ZNF264: variants seen among roughly 807,000 people sequenced by gnomAD.
The protein encoded by ZNF264 is zinc finger protein 264.
Under a neutral mutation model 11.2 loss-of-function variants are expected in ZNF264, and 11 were observed. The observed-to-expected ratio is 0.98, with a 90% CI of 0.62 to 1.63. The LOEUF is 1.63. Among genes scored for constraint, ZNF264 ranks in the 40% most tolerant of loss-of-function variants. The pLI is 0.00. For synonymous variants in ZNF264, 309 were observed against 279.8 expected (o/e 1.10, Z -1.04); for missense variants, 752 against 768.1 (o/e 0.98, Z 0.25).
rs943619392 is a variant in ZNF264, at chr19:57,214,178, C to T, written c.*1197C>T. On this transcript the variant is annotated 3_prime_UTR_variant, in exon 4 of 4. Coordinates refer to ENST00000263095, the MANE Select transcript of ZNF264 (RefSeq NM_003417.5). Reference sequence around the variant, plus strand: ...AGAAATGTCATCTGCAAATACAGACCATTTTTTATCTTTCATCTTACCTGT... The same window carrying T: ...AGAAATGTCATCTGCAAATACAGACTATTTTTTATCTTTCATCTTACCTGT... 1.3e-5 allele frequency: 2 copies of T among 152,104 alleles called. No individual in the cohort carries two copies. Among genetic ancestry groups the T allele is most frequent in the Admixed American group, 1.3e-4 (2 of 15,276 alleles). 9.4% of individuals were successfully genotyped at this position (152,104 alleles called of 1,614,324 possible).
chr19:57,192,009 G>A, intron 1 of ZNF264, 63 bp downstream of exon 1: 1 of 1,423,242 alleles, frequency 7.0e-7, no homozygotes, highest in Non-Finnish European at 9.3e-7. Flanking sequence ...TTTCCGAAGT[G>A]GGTGGGAGCC....
At position 57,205,262 on chromosome 19, in the gene ZNF264, C is replaced by G. The variant is rs1053537091; in HGVS notation, c.161-135C>G. The G allele has an allele frequency of 4.0e-6, 3 of 759,150 alleles. No individual in the cohort carries two copies. The African/African-American group carries it at 5.3e-5, about 13-fold the overall frequency. The allele number at this position is 759,150 out of a possible 1,614,324, so 47.0% of individuals were successfully genotyped here. ...GAAACCTTGGTTTCCAGGTCACATG[C>G]CAGCTTTTCATTCCCATGCACAGGA... On this transcript the variant is annotated intron_variant, in intron 2 of 3. Coordinates refer to ENST00000263095, the MANE Select transcript of ZNF264 (RefSeq NM_003417.5).
In ZNF264 at chr19:57,193,948, G is replaced by A. The variant is rs780084860; in HGVS notation, c.107G>A (p.Arg36Gln). 68 of 1,613,800 alleles carry A rather than the reference G, an allele frequency of 4.2e-5. 1 individual carries two copies. Among genetic ancestry groups the A allele is most frequent in the African/African-American group, 5.3e-5 (4 of 74,900 alleles). ...EEWGQLDLAQRTLYQEVMLEN... is the reference protein window; with the variant it reads ...EEWGQLDLAQQTLYQEVMLEN... ...TGGGGGCAGCTGGACCTAGCTCAGC[G>A]GACCCTGTACCAGGAGGTGATGCTG... Residue 36 changes from arginine (R) to glutamine (Q), a missense_variant, in exon 2 of 4, where the codon CGG (arginine) becomes CAG (glutamine). By Grantham distance (43) the Arg-to-Gln change is conservative. Transcript: ENST00000263095.
At chr19:57,192,643 G>C (rs1054479312) in intron 1 of ZNF264, 7 of 898,584 alleles carry the variant, frequency 7.8e-6, no homozygotes, top group Non-Finnish European at 8.0e-6. Context: ...AGCTGGTCTG[G>C]AGCCTGTCGT....
In ZNF264 at chr19:57,208,018, G is replaced by A. The variant is rs566318095; in HGVS notation, c.256+2526G>A. ...TGGGATTACAGGTGTGAGCCACTGC[G>A]CCTGGCCATATTTTTAGTAGAGACA... On this transcript the variant is annotated intron_variant, in intron 3 of 3. Transcript: ENST00000263095. Among the ~76,000 whole-genome samples the A allele has an allele frequency of 1.2e-4, 18 of 151,916 alleles. No homozygotes were observed. In the East Asian group the frequency reaches 1.4e-3, roughly 12 times the overall value.
At chr19:57,198,725 G>A (rs2087230285) in intron 2 of ZNF264, among the ~76,000 whole-genome samples, 1 of 151,860 alleles carries the variant, frequency 6.6e-6, no homozygotes, top group Non-Finnish European at 1.5e-5. Context: ...CCAGTGTCCT[G>A]TAGTCCCCGA....
In ZNF264 at chr19:57,212,266, A is replaced by G. The variant is rs2087344061; in HGVS notation, c.1169A>G (p.Tyr390Cys). ...GAGAGTGCAGCCCTGATTCACCACT[A>G]TGTCATCCACACTGGAGAGAAGCCC... Reference protein sequence around the residue: ...FLESAALIHHYVIHTGEKPFE... With the variant: ...FLESAALIHHCVIHTGEKPFE... Residue 390 changes from tyrosine to cysteine, a missense_variant, in exon 4 of 4, where the codon TAT becomes TGT. Tyr to Cys is a radical substitution (Grantham distance 194). Coordinates refer to ENST00000263095, the MANE Select transcript of ZNF264 (RefSeq NM_003417.5). 6.2e-7 allele frequency: 1 copy of G among 1,614,064 alleles called. No individual in the cohort carries two copies. The highest frequency in any genetic ancestry group is 8.5e-7 in the Non-Finnish European group (1 of 1,180,028).
chr19:57,206,931 T>C (rs994036590), intron 3 of ZNF264, among the ~76,000 whole-genome samples: 1 of 142,958 alleles, frequency 7.0e-6, no homozygotes, highest in Admixed American at 7.1e-5. Context: ...TGTGTGTGGA[T>C]TGGTGCCACT....
chr19:57,210,335 G>A (rs144653264), intron 3 of ZNF264, among the ~76,000 whole-genome samples: 21 of 152,252 alleles, frequency 1.4e-4, no homozygotes, highest in Admixed American at 3.9e-4. Context: ...TAACTCTTCC[G>A]ACACGGACTA....
At chr19:57,199,167 G>A (rs540382969) in intron 2 of ZNF264, among the ~76,000 whole-genome samples, 3 of 152,016 alleles carry the variant, frequency 2.0e-5, no homozygotes, top group East Asian at 3.9e-4. Flanking sequence ...ATGGTTGAGT[G>A]CCACCACTTG....
chr19:57,202,526 C>T (rs957221325), intron 2 of ZNF264, among the ~76,000 whole-genome samples: 4 of 151,850 alleles, frequency 2.6e-5, no homozygotes, highest in African/African-American at 7.3e-5. Flanking sequence ...TTCGCTCTAA[C>T]GTTCCTCCAC....
intron 1 of ZNF264, chr19:57,193,552 G>C: frequency 1.0e-6 from 1 of 985,098 alleles, no homozygotes; most frequent in African/African-American, 1.7e-5. Context: ...TACTGCCGTT[G>C]TAACCATTAT....
In ZNF264 at chr19:57,213,728, T is replaced by C. The variant is rs1036290664; in HGVS notation, c.*747T>C. ...TATAATTTTTAGGATTAGTTTGTACTTATTTACAAAACAGTCTTGTTCAGA... is the reference window on the plus strand; with the variant it reads ...TATAATTTTTAGGATTAGTTTGTACCTATTTACAAAACAGTCTTGTTCAGA... On this transcript the variant is annotated 3_prime_UTR_variant, in exon 4 of 4. Coordinates refer to ENST00000263095, the MANE Select transcript of ZNF264 (RefSeq NM_003417.5). 6.6e-6 allele frequency: 1 copy of C among 152,232 alleles called. No individual in the cohort carries two copies. The allele number at this position is 152,232 out of a possible 1,614,324, so 9.4% of individuals were successfully genotyped here.
intron 2 of ZNF264, among the ~76,000 whole-genome samples, chr19:57,197,876 C>G (rs1031206471): frequency 6.6e-6 from 1 of 151,970 alleles, no homozygotes; most frequent in African/African-American, 2.4e-5. Context: ...ATTTCCCATC[C>G]TCTGGCACAC....
intron 2 of ZNF264, chr19:57,195,011 G>A (rs2087201895): frequency 2.6e-6 from 1 of 382,664 alleles, no homozygotes; most frequent in South Asian, 1.5e-4. Flanking sequence ...GGGACTTCTG[G>A]TGACTGTGTT....
chr19:57,207,484 C>T (rs2087301150), intron 3 of ZNF264, among the ~76,000 whole-genome samples: 1 of 150,544 alleles, frequency 6.6e-6, no homozygotes, highest in Admixed American at 6.6e-5. Flanking sequence ...CATTTATATT[C>T]TGCTTGTTTT....
At position 57,193,913 on chromosome 19, in the gene ZNF264, C is replaced by A; in HGVS notation, c.72C>A (p.Thr24=). ...TTGATGATGTGGCTGTGACTTTCAC[C>A]AAGGAGGAGTGGGGGCAGCTGGACC... ...VTFDDVAVTF[T]KEEWGQLDLA... Residue 24 remains threonine (T), a synonymous_variant, in exon 2 of 4, where the codon ACC becomes ACA. Transcript: ENST00000263095. 1 of 1,613,944 alleles carries A rather than the reference C, an allele frequency of 6.2e-7. No individual in the cohort carries two copies. Among genetic ancestry groups the A allele is most frequent in the South Asian group, 1.1e-5 (1 of 91,086 alleles).
chr19:57,197,485 T>TC (rs2087220484), intron 2 of ZNF264, among the ~76,000 whole-genome samples: 1 of 151,884 alleles, frequency 6.6e-6, no homozygotes, highest in South Asian at 2.1e-4. Flanking sequence ...TGCCAAAGGC[T>TC]CCAAACAGCA....
At chr19:57,211,123 G>A (rs544525319) in intron 3 of ZNF264, among the ~76,000 whole-genome samples, 35 of 152,206 alleles carry the variant, frequency 2.3e-4, no homozygotes, top group African/African-American at 7.9e-4. Flanking sequence ...GTGGCTCCAC[G>A]AACAGACGCA....
Sources: gnomAD v4.1 joint callset for allele counts (sites outside exome capture counted in the v4.1 genomes callset) on GRCh38, gnomAD v4.1.1 for gene constraint, MANE v1.5 for transcripts, NCBI Gene and HGNC (gene_info 2026-07-23, HGNC 2026-07-21) for gene names.